The following SLC10A7 variants were observed in gnomAD, a reference collection of about 807,000 sequenced individuals.
SLC10A7 encodes the protein sodium/bile acid cotransporter 7.
Under a neutral mutation model 43.2 loss-of-function variants are expected in SLC10A7, and 29 were observed. The ratio of observed to expected loss-of-function variants is 0.67; its 90% CI spans 0.50 to 0.92. SLC10A7 has a LOEUF of 0.92. Among genes scored for constraint, SLC10A7 ranks in the 40% least tolerant of loss-of-function variants. The pLI is 0.00. For synonymous variants in SLC10A7, 152 were observed against 144.8 expected, an observed-to-expected ratio of 1.05 and a Z score of -0.35; for missense variants, 295 against 403.2, an observed-to-expected ratio of 0.73 and a Z score of 2.30.
chr4:146,367,007 GT>G (rs72426352), intron 5 of SLC10A7, among the ~76,000 whole-genome samples: 5 of 148,470 alleles, frequency 3.4e-5, no homozygotes, highest in Non-Finnish European at 6.0e-5. Flanking sequence ...TTGTTTTTTT[GT>G]TTTTTTTTGT....
intron 5 of SLC10A7, among the ~76,000 whole-genome samples, chr4:146,340,610 T>C (rs1252391118): frequency 6.6e-6 from 1 of 151,806 alleles, no homozygotes; most frequent in Non-Finnish European, 1.5e-5. Flanking sequence ...TGGTGAATTA[T>C]TAAAAACAGT....
chr4:146,447,507 T>C (rs1731202764), intron 4 of SLC10A7, among the ~76,000 whole-genome samples: 1 of 152,176 alleles, frequency 6.6e-6, no homozygotes, highest in Admixed American at 6.5e-5. Flanking sequence ...CAACAAGAAT[T>C]TGTCTAATTC....
chr4:146,395,719 T>C (rs938028537), intron 5 of SLC10A7, among the ~76,000 whole-genome samples: 6 of 152,162 alleles, frequency 3.9e-5, no homozygotes, highest in Non-Finnish European at 8.8e-5. Flanking sequence ...AACGAGTATA[T>C]ATATATATAT....
chr4:146,393,695 G>T (rs1437356293), intron 5 of SLC10A7, among the ~76,000 whole-genome samples: 1 of 152,184 alleles, frequency 6.6e-6, no homozygotes, highest in Admixed American at 6.5e-5. Context: ...AAGATACATT[G>T]CTACCTATCC....
intron 4 of SLC10A7, among the ~76,000 whole-genome samples, chr4:146,503,373 C>A (rs897282789): frequency 6.6e-6 from 1 of 152,216 alleles, no homozygotes; most frequent in African/African-American, 2.4e-5. Flanking sequence ...AGTCCCCTAG[C>A]AGTTGAATAA....
intron 9 of SLC10A7, among the ~76,000 whole-genome samples, chr4:146,286,459 TG>T (rs1729957162): frequency 6.7e-6 from 1 of 148,854 alleles, no homozygotes; most frequent in East Asian, 2.0e-4. Flanking sequence ...TGAGAAGGAC[TG>T]AGTTTGGAGT....
At chr4:146,305,789 T>C (rs947173831) in intron 7 of SLC10A7, 137 bp downstream of exon 7, 9 of 724,488 alleles carry the variant, frequency 1.2e-5, no homozygotes, top group Non-Finnish European at 2.0e-5. Context: ...CTGTGATTGA[T>C]GAAAGTTTTG....
chr4:146,353,481 C>T (rs1450500122), intron 5 of SLC10A7, among the ~76,000 whole-genome samples: 32 of 132,226 alleles, frequency 2.4e-4, no homozygotes, highest in African/African-American at 8.8e-4. Context: ...GGTACCATTC[C>T]TTCTGAAACT....
chr4:146,423,244 A>G (rs1476115208), intron 5 of SLC10A7, among the ~76,000 whole-genome samples: 1 of 152,130 alleles, frequency 6.6e-6, no homozygotes, highest in Non-Finnish European at 1.5e-5. Context: ...AAATTAACCA[A>G]ACCTGAAAAT....
chr4:146,293,401 G>A (rs1371778516), intron 8 of SLC10A7, among the ~76,000 whole-genome samples: 1 of 152,108 alleles, frequency 6.6e-6, no homozygotes, highest in East Asian at 1.9e-4. Context: ...ACAAAAGGTT[G>A]CTTTTTGAGC....
intron 5 of SLC10A7, among the ~76,000 whole-genome samples, chr4:146,404,208 C>G (rs1051500392): frequency 6.6e-6 from 1 of 151,952 alleles, no homozygotes; most frequent in Non-Finnish European, 1.5e-5. Flanking sequence ...TTTGTAAAGA[C>G]GGGGTCTCCC....
In SLC10A7 at chr4:146,359,277, G is replaced by T. The variant is rs1465903592; in HGVS notation, c.436-33281C>A. On this transcript the variant is annotated intron_variant, in intron 5 of 11. Coordinates refer to ENST00000335472, the MANE Select transcript of SLC10A7 (RefSeq NM_001029998.6). ...TTACATAGTTTGGGTAGAAGTGCTT[G>T]CTGGATATCTGACAAAGGATGTGTG... Among the ~76,000 whole-genome samples, 3 of 152,244 alleles carry T rather than the reference G, an allele frequency of 2.0e-5. No individual in the cohort carries two copies. In the South Asian group the frequency reaches 6.2e-4, roughly 32 times the overall value.
At position 146,256,276 on chromosome 4, in the gene SLC10A7, A is replaced by G. The variant is rs1305884544; in HGVS notation, c.*215T>C. ...ATTAGGAAAGCAAAATTAACCCCCAAATATTGTACCACCCCTGGCAGTAAT... is the reference window on the plus strand; with the variant it reads ...ATTAGGAAAGCAAAATTAACCCCCAGATATTGTACCACCCCTGGCAGTAAT... On this transcript the variant is annotated 3_prime_UTR_variant, in exon 12 of 12. Transcript: ENST00000335472. 1.2e-5 allele frequency: 7 copies of G among 570,424 alleles called. No homozygotes were observed. The highest frequency in any genetic ancestry group is 3.8e-5 in the African/African-American group (2 of 52,878). The allele number at this position is 570,424 out of a possible 1,614,324, so 35.3% of individuals were successfully genotyped here.
At position 146,306,945 on chromosome 4, in the gene SLC10A7, G is replaced by A. The variant is rs570710977; in HGVS notation, c.472-936C>T. On this transcript the variant is annotated intron_variant, in intron 6 of 11. Transcript: ENST00000335472. ...AACCTCAGTTTTCATATCTACCTAA[G>A]TTTAGTTACACTTGGAAATATCTTT... Among the ~76,000 whole-genome samples, 4 of 152,214 alleles carry A rather than the reference G, an allele frequency of 2.6e-5. No homozygotes were observed. In the South Asian group the frequency reaches 8.3e-4, roughly 32 times the overall value.
At chr4:146,303,470 C>G (rs4240332) in intron 7 of SLC10A7, among the ~76,000 whole-genome samples, 105,320 of 150,648 alleles carry the variant, frequency 0.7, 37,013 homozygotes, top group African/African-American at 0.74. Context: ...CTCCGCCTCC[C>G]AGGTTCAAGT....
chr4:146,396,817 A>G (rs1274179702), intron 5 of SLC10A7, among the ~76,000 whole-genome samples: 1 of 150,986 alleles, frequency 6.6e-6, no homozygotes, highest in Non-Finnish European at 1.5e-5. Flanking sequence ...AAAAAAAAGC[A>G]TTGAGGGACC....
chr4:146,470,442 A>C (rs1337599153), intron 4 of SLC10A7, among the ~76,000 whole-genome samples: 7 of 151,898 alleles, frequency 4.6e-5, no homozygotes, highest in African/African-American at 1.7e-4. Flanking sequence ...CCATGTATAC[A>C]TAACTAAATG....
At chr4:146,321,677 T>A (rs1438977892) in intron 6 of SLC10A7, among the ~76,000 whole-genome samples, 1 of 152,090 alleles carries the variant, frequency 6.6e-6, no homozygotes, top group African/African-American at 2.4e-5. Context: ...GCTCAAGTGA[T>A]CCTCACACCT....
chr4:146,491,696 GA>G (rs1735445233), intron 4 of SLC10A7, among the ~76,000 whole-genome samples: 1 of 127,714 alleles, frequency 7.8e-6, no homozygotes, highest in South Asian at 3.7e-4. Context: ...AGGAAGGAAG[GA>G]AGGAAGGAAG....
Sources: gnomAD v4.1 joint callset for allele counts (sites outside exome capture counted in the v4.1 genomes callset) on GRCh38, gnomAD v4.1.1 for gene constraint, MANE v1.5 for transcripts, NCBI Gene and HGNC (gene_info 2026-07-23, HGNC 2026-07-21) for gene names.